Variants in SYT1 observed in about 807,000 individuals in gnomAD.
The protein encoded by SYT1 is synaptotagmin-1.
A neutral mutation model predicts 44.8 loss-of-function variants in SYT1; 8 were observed. The observed-to-expected ratio is 0.18, with a 90% CI of 0.10 to 0.32. SYT1 has a LOEUF of 0.32. SYT1 is among the 10% of genes least tolerant of loss of function. The probability of loss-of-function intolerance (pLI) is 1.00; values close to 1 mark genes in which losing one functional copy is unlikely to be tolerated. For synonymous variants in SYT1, 154 were observed against 188.8 expected (o/e 0.82, Z 1.51); for missense variants, 286 against 509.3 (o/e 0.56, Z 4.22).
chr12:79,129,712 G>A (rs7967341), intron 3 of SYT1, among the ~76,000 whole-genome samples: 52,236 of 151,944 alleles, frequency 0.34, 10,422 homozygotes, highest in African/African-American at 0.55. Context: ...GTTAAATTTT[G>A]CATTTTAAAT....
chr12:79,302,806 T>C (rs576879820), intron 8 of SYT1, among the ~76,000 whole-genome samples: 1 of 152,290 alleles, frequency 6.6e-6, no homozygotes, highest in East Asian at 1.9e-4. Context: ...CCCCACCTTC[T>C]AATAGATGAA....
intron 2 of SYT1, among the ~76,000 whole-genome samples, chr12:79,021,039 A>G (rs1157453500): frequency 6.6e-6 from 1 of 151,934 alleles, no homozygotes. Context: ...TCTCTGTTCT[A>G]TTCTTGATAA....
Position 79,430,353 on chromosome 12 carries a change from A to T in SYT1, c.929-13720A>T, listed in dbSNP as rs140681070. ...ACGGTCTTAGGCTATCTTTCCTACT[A>T]CAAAAAATATGGACTAATTTAAATA... On this transcript the variant is annotated intron_variant, in intron 9 of 10. Coordinates refer to ENST00000261205, the MANE Select transcript of SYT1 (RefSeq NM_005639.3). Among the ~76,000 whole-genome samples the T allele has an allele frequency of 4.6e-5, 7 of 152,340 alleles. No homozygotes were observed. In the East Asian group the frequency reaches 1.4e-3, roughly 29 times the overall value.
chr12:78,979,353 A>T (rs951407151), intron 2 of SYT1, among the ~76,000 whole-genome samples: 2 of 152,144 alleles, frequency 1.3e-5, no homozygotes, highest in African/African-American at 4.8e-5. Flanking sequence ...TTTGAGAAAC[A>T]TCTCAAAATG....
intron 1 of SYT1, among the ~76,000 whole-genome samples, chr12:78,908,069 C>T (rs533705919): frequency 2.0e-5 from 3 of 152,012 alleles, no homozygotes; most frequent in Non-Finnish European, 2.9e-5. Context: ...TAGAAAATCA[C>T]ACCAAGCTAT....
chr12:79,093,705 T>C (rs760744376), intron 3 of SYT1, among the ~76,000 whole-genome samples: 6 of 150,976 alleles, frequency 4.0e-5, no homozygotes, highest in Non-Finnish European at 8.9e-5. Context: ...ACTAGAATAA[T>C]TATTTTTCTT....
At chr12:79,425,412 T>C (rs1471626860) in intron 9 of SYT1, among the ~76,000 whole-genome samples, 2 of 152,210 alleles carry the variant, frequency 1.3e-5, no homozygotes, top group Admixed American at 6.5e-5. Flanking sequence ...TTTTAAACCA[T>C]GTACAGGCAG....
chr12:79,165,188 C>T (rs1871159814), intron 3 of SYT1, among the ~76,000 whole-genome samples: 1 of 151,846 alleles, frequency 6.6e-6, no homozygotes, highest in African/African-American at 2.4e-5. Context: ...GACATTTTTG[C>T]TGCATTTATC....
At chr12:79,435,038 C>T (rs940857314) in intron 9 of SYT1, among the ~76,000 whole-genome samples, 1 of 152,112 alleles carries the variant, frequency 6.6e-6, no homozygotes, top group Admixed American at 6.6e-5. Context: ...ATAGAATAAG[C>T]ATTTCATCTA....
chr12:79,330,915 C>T (rs1881825426), intron 8 of SYT1, among the ~76,000 whole-genome samples: 1 of 152,168 alleles, frequency 6.6e-6, no homozygotes, highest in Non-Finnish European at 1.5e-5. Context: ...ATGGCACTCA[C>T]TGTCTCTAAA....
chr12:79,158,453 C>T (rs1870739074), intron 3 of SYT1, among the ~76,000 whole-genome samples: 1 of 152,118 alleles, frequency 6.6e-6, no homozygotes. Context: ...TGCTTACCTG[C>T]CACTCACCTC....
chr12:79,320,873 G>C (rs930245588), intron 8 of SYT1, among the ~76,000 whole-genome samples: 1 of 151,540 alleles, frequency 6.6e-6, no homozygotes, highest in Non-Finnish European at 1.5e-5. Flanking sequence ...GGCCCAACTC[G>C]GCCTCCCAAA....
chr12:79,409,681 G>T (rs1868344911), intron 9 of SYT1, among the ~76,000 whole-genome samples: 1 of 151,994 alleles, frequency 6.6e-6, no homozygotes, highest in Non-Finnish European at 1.5e-5. Flanking sequence ...TCATTTTTCT[G>T]CACTCATTTG....
chr12:79,305,917 G>A (rs372539081), intron 8 of SYT1, among the ~76,000 whole-genome samples: 1 of 152,216 alleles, frequency 6.6e-6, no homozygotes, highest in East Asian at 1.9e-4. Context: ...GCCTGGTCTC[G>A]AACTCATGAC....
chr12:79,125,761 C>T (rs1868399600), intron 3 of SYT1, among the ~76,000 whole-genome samples: 1 of 152,184 alleles, frequency 6.6e-6, no homozygotes, highest in South Asian at 2.1e-4. Context: ...ATATCACATT[C>T]CTGAATAAAT....
intron 1 of SYT1, among the ~76,000 whole-genome samples, chr12:78,876,733 T>TTATATAATATATAATATAATATA (rs1282704981): frequency 1.0e-5 from 1 of 97,644 alleles, no homozygotes; most frequent in African/African-American, 3.9e-5. Flanking sequence ...TATAATTATA[T>TTATATAATATATAATATAATATA]ATTATATATT....
rs949790891 is a variant in SYT1, at chr12:78,935,996, A to G, written c.-216-41803A>G. Among the ~76,000 whole-genome samples, 3 of 152,124 alleles carry G rather than the reference A, an allele frequency of 2.0e-5. No individual in the cohort carries two copies. The East Asian group carries it at 5.8e-4, about 29-fold the overall frequency. On this transcript the variant is annotated intron_variant, in intron 1 of 10. Transcript: ENST00000261205. ...AGAGTTCATTTTCTTTGATAAAACA[A>G]AGGAGAGATACAGTAATCTTATAGC...
chr12:78,939,456 G>T (rs1017870342), intron 1 of SYT1, among the ~76,000 whole-genome samples: 3 of 152,156 alleles, frequency 2.0e-5, no homozygotes, highest in African/African-American at 2.4e-5. Context: ...CAGGAGAAAG[G>T]GTAGGACTCT....
intron 4 of SYT1, among the ~76,000 whole-genome samples, chr12:79,265,859 A>G (rs533005905): frequency 6.6e-6 from 1 of 152,306 alleles, no homozygotes; most frequent in East Asian, 1.9e-4. Context: ...TACTAATACA[A>G]TGTTAAGAGA....
Sources: gnomAD v4.1 joint callset for allele counts (sites outside exome capture counted in the v4.1 genomes callset) on GRCh38, gnomAD v4.1.1 for gene constraint, MANE v1.5 for transcripts, NCBI Gene and HGNC (gene_info 2026-07-23, HGNC 2026-07-21) for gene names.